Variants in GPR158 observed in about 807,000 individuals in gnomAD.
The protein encoded by GPR158 is metabotropic glycine receptor.
Under a neutral mutation model 78.2 loss-of-function variants are expected in GPR158, and 30 were observed. The ratio of observed to expected loss-of-function variants is 0.38; its 90% CI spans 0.29 to 0.52. The LOEUF is 0.52. Ranked by LOEUF, GPR158 falls within the 20% of genes least tolerant of loss-of-function variation. The pLI, the probability that GPR158 is intolerant of heterozygous loss-of-function variation, is 0.83. For missense variants in GPR158, 1,463 were observed against 1,523.5 expected (o/e 0.96, Z 0.66); for synonymous variants, 581 against 591.1 (o/e 0.98, Z 0.25).
At chr10:25,205,130 T>C (rs141462881) in intron 1 of GPR158, among the ~76,000 whole-genome samples, 194 of 152,260 alleles carry the variant, frequency 1.3e-3, no homozygotes, top group Middle Eastern at 3.4e-3. Context: ...TTGTGAGGCC[T>C]CCCCAGCCAT....
At chr10:25,232,583 T>A (rs1359349634) in intron 2 of GPR158, among the ~76,000 whole-genome samples, 2 of 152,206 alleles carry the variant, frequency 1.3e-5, no homozygotes, top group Non-Finnish European at 2.9e-5. Context: ...TTTGTTGGTA[T>A]CTTCACCAAG....
chr10:25,185,857 G>C (rs576428757), intron 1 of GPR158, among the ~76,000 whole-genome samples: 1 of 152,068 alleles, frequency 6.6e-6, no homozygotes, highest in East Asian at 1.9e-4. Flanking sequence ...TGTCTCGTCA[G>C]CTCTGCACCA....
intron 2 of GPR158, among the ~76,000 whole-genome samples, chr10:25,292,333 GTTTAC>G (rs1375933871): frequency 3.9e-5 from 6 of 151,950 alleles, no homozygotes; most frequent in African/African-American, 1.4e-4. Flanking sequence ...TAATATTTCT[GTTTAC>G]TTTAGACAGT....
At chr10:25,364,152 A>C (rs939678457) in intron 2 of GPR158, among the ~76,000 whole-genome samples, 1 of 151,970 alleles carries the variant, frequency 6.6e-6, no homozygotes, top group Non-Finnish European at 1.5e-5. Flanking sequence ...AAGATATATA[A>C]GTAATTTGCC....
In GPR158 at chr10:25,522,879, C is replaced by T. The variant is rs562366647; in HGVS notation, c.1405-28097C>T. ...TAGTGATTGTAACAAAATTTATACACGTATTAATTTGTGTGGTGTGCAGAT... is the reference window on the plus strand; with the variant it reads ...TAGTGATTGTAACAAAATTTATACATGTATTAATTTGTGTGGTGTGCAGAT... On this transcript the variant is annotated intron_variant, in intron 5 of 10. Coordinates refer to ENST00000376351, the MANE Select transcript of GPR158 (RefSeq NM_020752.3). Among the ~76,000 whole-genome samples, 23 of 152,036 alleles carry T rather than the reference C, an allele frequency of 1.5e-4. No individual in the cohort carries two copies. In the East Asian group the frequency reaches 3.3e-3, roughly 22 times the overall value.
chr10:25,540,309 A>G (rs1231245645), intron 5 of GPR158, among the ~76,000 whole-genome samples: 1 of 152,218 alleles, frequency 6.6e-6, no homozygotes, highest in Non-Finnish European at 1.5e-5. Context: ...GCTGGAGAGG[A>G]CATGGAGAAA....
intron 5 of GPR158, among the ~76,000 whole-genome samples, chr10:25,501,347 C>T (rs1331876124): frequency 1.3e-5 from 2 of 152,096 alleles, no homozygotes; most frequent in Non-Finnish European, 1.5e-5. Flanking sequence ...CTTTCCTGAC[C>T]GTCTTTATCA....
Position 25,598,824 on chromosome 10 carries a change from A to G in GPR158, c.3198A>G (p.Ile1066Met). Residue 1066 changes from isoleucine (I) to methionine (M), a missense_variant, in exon 11 of 11, where the codon ATA becomes ATG. Coordinates refer to ENST00000376351, the MANE Select transcript of GPR158 (RefSeq NM_020752.3). ...EVCQQSNQKR[I>M]DKAEVCLWES... ...GTCAGCAATCCAATCAGAAGCGCATAGATAAGGCTGAAGTATGCCTTTGGG... is the reference window on the plus strand; with the variant it reads ...GTCAGCAATCCAATCAGAAGCGCATGGATAAGGCTGAAGTATGCCTTTGGG... 2 of 1,614,152 alleles carry G rather than the reference A, an allele frequency of 1.2e-6. No homozygotes were observed. The highest frequency in any genetic ancestry group is 1.7e-6 in the Non-Finnish European group (2 of 1,180,016).
At chr10:25,582,461 A>G (rs886540502) in intron 7 of GPR158, among the ~76,000 whole-genome samples, 1 of 152,216 alleles carries the variant, frequency 6.6e-6, no homozygotes, top group Non-Finnish European at 1.5e-5. Flanking sequence ...TAAGGAAAAA[A>G]TATCTTGGTC....
chr10:25,584,220 A>C (rs1297221786), intron 7 of GPR158, among the ~76,000 whole-genome samples: 3 of 152,228 alleles, frequency 2.0e-5, no homozygotes, highest in Non-Finnish European at 2.9e-5. Flanking sequence ...AAGAAGAAGC[A>C]CAACACGTAT....
chr10:25,587,488 T>G (rs1005798781), intron 7 of GPR158, among the ~76,000 whole-genome samples: 4 of 152,116 alleles, frequency 2.6e-5, no homozygotes, highest in African/African-American at 4.8e-5. Flanking sequence ...AAGAAAGAAA[T>G]GTAGAAATGA....
intron 2 of GPR158, among the ~76,000 whole-genome samples, chr10:25,297,491 G>T (rs1237228558): frequency 6.6e-6 from 1 of 150,854 alleles, no homozygotes; most frequent in African/African-American, 2.5e-5. Context: ...CATAAGATAG[G>T]GATCTAACCA....
At chr10:25,281,169 A>G (rs1854265332) in intron 2 of GPR158, among the ~76,000 whole-genome samples, 1 of 151,484 alleles carries the variant, frequency 6.6e-6, no homozygotes, top group Non-Finnish European at 1.5e-5. Context: ...ATCAGTTAAT[A>G]CAAAAAAGAA....
intron 2 of GPR158, among the ~76,000 whole-genome samples, chr10:25,313,325 C>T (rs1468536594): frequency 6.6e-6 from 1 of 151,138 alleles, no homozygotes; most frequent in Non-Finnish European, 1.5e-5. Context: ...GTGCAGCACA[C>T]CAACATGGCA....
chr10:25,540,969 T>C (rs1836573896), intron 5 of GPR158, among the ~76,000 whole-genome samples: 1 of 110,340 alleles, frequency 9.1e-6, no homozygotes, highest in Non-Finnish European at 1.6e-5. Context: ...TATATATATA[T>C]ATATATATAA....
chr10:25,313,730 G>C (rs866360588), intron 2 of GPR158, among the ~76,000 whole-genome samples: 1 of 152,098 alleles, frequency 6.6e-6, no homozygotes, highest in African/African-American at 2.4e-5. Context: ...ATTAGATTCA[G>C]TTTGTTAATA....
intron 4 of GPR158, among the ~76,000 whole-genome samples, chr10:25,425,405 A>G (rs2130567487): frequency 6.6e-6 from 1 of 152,072 alleles, no homozygotes; most frequent in East Asian, 1.9e-4. Flanking sequence ...TGCAGTTTTA[A>G]TTTGCATTTC....
chr10:25,597,678 G>C, intron 10 of GPR158, 94 bp from the exon 11 acceptor site: 1 of 982,586 alleles, frequency 1.0e-6, no homozygotes, highest in Non-Finnish European at 1.4e-6. Context: ...CCAAATTAGA[G>C]CCCAAGTTTA....
At chr10:25,321,074 A>G (rs1326669875) in intron 2 of GPR158, among the ~76,000 whole-genome samples, 1 of 152,188 alleles carries the variant, frequency 6.6e-6, no homozygotes, top group Non-Finnish European at 1.5e-5. Flanking sequence ...GCACTAATGA[A>G]CTGTTTGAAT....
Sources: allele counts gnomAD v4.1 joint callset (sites outside exome capture counted in the v4.1 genomes callset), GRCh38; gene constraint gnomAD v4.1.1; transcripts MANE v1.5; gene names NCBI Gene and HGNC (gene_info 2026-07-23, HGNC 2026-07-21).